The following GPC6 variants were observed in gnomAD, a reference collection of about 807,000 sequenced individuals.
GPC6 encodes the protein glypican 6.
A neutral mutation model predicts 55.2 loss-of-function variants in GPC6; 14 were observed. That is an observed-to-expected ratio of 0.25 (90% CI 0.17 to 0.40). The LOEUF (loss-of-function observed/expected upper bound fraction) is 0.40. Among genes scored for constraint, GPC6 ranks in the 10% least tolerant of loss-of-function variants. The pLI is 1.00. For missense variants in GPC6, 641 were observed against 708.5 expected (o/e 0.90, Z 1.08); for synonymous variants, 278 against 259.6 (o/e 1.07, Z -0.68).
At position 94,044,732 on chromosome 13, in the gene GPC6, C is replaced by T. The variant is rs117492713; in HGVS notation, c.877+16838C>T. On this transcript the variant is annotated intron_variant, in intron 4 of 8. Coordinates refer to ENST00000377047, the MANE Select transcript of GPC6 (RefSeq NM_005708.5). ...CCTCTGGAAGGCTTGTATCAATCTGCATTCCCACCAGCTACTTATAAGAAT... is the reference window on the plus strand; with the variant it reads ...CCTCTGGAAGGCTTGTATCAATCTGTATTCCCACCAGCTACTTATAAGAAT... Among the ~76,000 whole-genome samples, 777 of 151,914 alleles carry T rather than the reference C, an allele frequency of 5.1e-3. 3 individuals carry two copies. The highest frequency in any genetic ancestry group is 9.1e-3 in the Admixed American group (138 of 15,222).
chr13:93,791,418 T>C (rs1199817846), intron 2 of GPC6, among the ~76,000 whole-genome samples: 1 of 152,224 alleles, frequency 6.6e-6, no homozygotes, highest in African/African-American at 2.4e-5. Flanking sequence ...TGAAATAGTA[T>C]GTAGGCCATT....
intron 1 of GPC6, among the ~76,000 whole-genome samples, chr13:93,328,707 A>C (rs1447040587): frequency 6.6e-6 from 1 of 151,980 alleles, no homozygotes; most frequent in African/African-American, 2.4e-5. Context: ...CTCAGACTGA[A>C]GGGAATATCA....
At chr13:93,632,084 G>T (rs1879467731) in intron 2 of GPC6, among the ~76,000 whole-genome samples, 3 of 152,226 alleles carry the variant, frequency 2.0e-5, no homozygotes, top group African/African-American at 7.2e-5. Flanking sequence ...TACTTGTGTT[G>T]TCCACCTTCA....
intron 5 of GPC6, among the ~76,000 whole-genome samples, chr13:94,288,973 A>AGATCG (rs1874789586): frequency 9.7e-6 from 1 of 102,608 alleles, no homozygotes; most frequent in African/African-American, 3.2e-5. Flanking sequence ...ATAGATAGAT[A>AGATCG]ATATATATAT....
At chr13:93,428,561 G>A (rs1346039545) in intron 1 of GPC6, among the ~76,000 whole-genome samples, 1 of 152,048 alleles carries the variant, frequency 6.6e-6, no homozygotes, top group Non-Finnish European at 1.5e-5. Flanking sequence ...TTATATCCTG[G>A]CCTTGGAGAC....
At chr13:93,604,304 C>A (rs961525702) in intron 2 of GPC6, among the ~76,000 whole-genome samples, 2 of 152,206 alleles carry the variant, frequency 1.3e-5, no homozygotes, top group Non-Finnish European at 2.9e-5. Flanking sequence ...TTTATTCACT[C>A]ATTCGACAGA....
At chr13:93,537,329 T>C (rs2139421391) in intron 1 of GPC6, among the ~76,000 whole-genome samples, 1 of 152,314 alleles carries the variant, frequency 6.6e-6, no homozygotes, top group South Asian at 2.1e-4. Flanking sequence ...CTTTTATGTC[T>C]GGAAAAATTT....
At chr13:94,063,403 T>C (rs1884403856) in intron 4 of GPC6, among the ~76,000 whole-genome samples, 1 of 152,202 alleles carries the variant, frequency 6.6e-6, no homozygotes, top group Admixed American at 6.5e-5. Context: ...TGCTTAGCTG[T>C]GGTGTAGAAT....
At chr13:93,535,043 G>A (rs1882003194) in intron 1 of GPC6, among the ~76,000 whole-genome samples, 1 of 152,126 alleles carries the variant, frequency 6.6e-6, no homozygotes, top group African/African-American at 2.4e-5. Flanking sequence ...TGATGAATAA[G>A]GGTATAGCTA....
At chr13:93,379,839 G>A (rs1283472729) in intron 1 of GPC6, among the ~76,000 whole-genome samples, 4 of 151,644 alleles carry the variant, frequency 2.6e-5, no homozygotes, top group Admixed American at 6.6e-5. Context: ...TTGGTATATG[G>A]TCAATTAATG....
chr13:94,308,018 G>A (rs956840700), intron 6 of GPC6, among the ~76,000 whole-genome samples: 1 of 152,146 alleles, frequency 6.6e-6, no homozygotes, highest in African/African-American at 2.4e-5. Context: ...ACTGTTAAGA[G>A]GGTAGATGTC....
At chr13:93,487,868 A>ACTAT (rs1879788684) in intron 1 of GPC6, among the ~76,000 whole-genome samples, 2 of 152,362 alleles carry the variant, frequency 1.3e-5, no homozygotes, top group African/African-American at 4.8e-5. Flanking sequence ...GAGACAAAGT[A>ACTAT]CTATCATCTA....
At chr13:93,409,820 A>G (rs536830695) in intron 1 of GPC6, among the ~76,000 whole-genome samples, 2 of 152,212 alleles carry the variant, frequency 1.3e-5, no homozygotes, top group Admixed American at 1.3e-4. Flanking sequence ...TTTCACGTTC[A>G]AACTGTGAGA....
chr13:94,145,137 G>GGA (rs1887515743), intron 4 of GPC6, among the ~76,000 whole-genome samples: 4 of 149,878 alleles, frequency 2.7e-5, no homozygotes, highest in African/African-American at 4.9e-5. Context: ...GGATGGATGG[G>GGA]TGGATGGATG....
intron 2 of GPC6, among the ~76,000 whole-genome samples, chr13:93,563,626 G>C (rs533072896): frequency 2.0e-5 from 3 of 152,040 alleles, no homozygotes; most frequent in Non-Finnish European, 4.4e-5. Flanking sequence ...ACTGGAACTG[G>C]CACTTAAGGT....
chr13:93,429,258 T>A (rs1049795520), intron 1 of GPC6, among the ~76,000 whole-genome samples: 2 of 149,056 alleles, frequency 1.3e-5, no homozygotes, highest in Non-Finnish European at 3.0e-5. Flanking sequence ...ACTCTGTTTC[T>A]TAGAGCCTCC....
chr13:93,611,667 G>A (rs549160794), intron 2 of GPC6, among the ~76,000 whole-genome samples: 1 of 152,240 alleles, frequency 6.6e-6, no homozygotes, highest in East Asian at 1.9e-4. Flanking sequence ...CAGTTGTGTA[G>A]AACAAAGTAG....
chr13:94,154,006 A>C (rs997901157), intron 4 of GPC6, among the ~76,000 whole-genome samples: 2 of 152,222 alleles, frequency 1.3e-5, no homozygotes, highest in East Asian at 3.8e-4. Context: ...ATTCTAATGT[A>C]TAATAACCCA....
chr13:93,564,499 A>G (rs2139463403), intron 2 of GPC6, among the ~76,000 whole-genome samples: 1 of 152,304 alleles, frequency 6.6e-6, no homozygotes, highest in African/African-American at 2.4e-5. Flanking sequence ...CAGCAATGCT[A>G]AAGAAAACTG....
Sources: gnomAD v4.1 joint callset for allele counts (sites outside exome capture counted in the v4.1 genomes callset) on GRCh38, gnomAD v4.1.1 for gene constraint, MANE v1.5 for transcripts, NCBI Gene and HGNC (gene_info 2026-07-23, HGNC 2026-07-21) for gene names.